The following MOXD1 variants were observed in gnomAD, a reference collection of about 807,000 sequenced individuals.
MOXD1 encodes the protein monooxygenase DBH like 1.
In MOXD1, 62 loss-of-function variants were observed where a neutral mutation model predicts 66.6. The observed-to-expected ratio is 0.93, with a 90% CI of 0.76 to 1.15. MOXD1 has a LOEUF of 1.15. MOXD1 is among the 50% of genes most tolerant of loss of function. MOXD1 has a pLI of 0.00. For missense variants in MOXD1, 847 were observed against 754.6 expected, an observed-to-expected ratio of 1.12 and a Z score of -1.44; for synonymous variants, 303 against 281.9, an observed-to-expected ratio of 1.07 and a Z score of -0.75.
chr6:132,396,724 A>G (rs776957994), intron 1 of MOXD1, among the ~76,000 whole-genome samples: 5 of 152,242 alleles, frequency 3.3e-5, no homozygotes, highest in Non-Finnish European at 5.9e-5. Flanking sequence ...GCAACAGATT[A>G]TCAGGGACTA....
At chr6:132,369,123 G>C (rs1349768317) in intron 4 of MOXD1, among the ~76,000 whole-genome samples, 1 of 151,994 alleles carries the variant, frequency 6.6e-6, no homozygotes, top group Non-Finnish European at 1.5e-5. Context: ...TTGTGACATA[G>C]TATTAGGCTA....
At position 132,297,216 on chromosome 6, in the gene MOXD1, G is replaced by T; in HGVS notation, c.1779C>A (p.Phe593Leu). ...GAAGGCAAACAAGCAAGTTGATGGA[G>T]AAATCTCTGTGCAGGGAAGAGGAAG... ...TSSSSSLHRD[F>L]SINLLVCLLL... is the part of the protein sequence containing the mutation. Residue 593 changes from phenylalanine to leucine, a missense_variant, in exon 12 of 12, where the codon TTC becomes TTA. Phe to Leu is a conservative substitution (Grantham distance 22). Transcript: ENST00000367963. The T allele has an allele frequency of 6.2e-7, 1 of 1,613,666 alleles. No individual in the cohort carries two copies. The highest frequency in any genetic ancestry group is 8.5e-7 in the Non-Finnish European group (1 of 1,179,716).
At position 132,311,259 on chromosome 6, in the gene MOXD1, T is replaced by A. The variant is rs777235031; in HGVS notation, c.1508+4376A>T. Reference sequence around the variant, plus strand: ...CTGATTAAACAACTTGAAGATAAAATCCTAATGACTCAAATTTAAAAACTC... The same window carrying A: ...CTGATTAAACAACTTGAAGATAAAAACCTAATGACTCAAATTTAAAAACTC... On this transcript the variant is annotated intron_variant, in intron 10 of 11. Transcript: ENST00000367963. Among the ~76,000 whole-genome samples, 13 of 152,106 alleles carry A rather than the reference T, an allele frequency of 8.5e-5. No homozygotes were observed. The South Asian group carries it at 2.5e-3, about 29-fold the overall frequency.
chr6:132,297,241 G>T lies in MOXD1; in HGVS notation c.1754C>A (p.Ser585Tyr), dbSNP rs1377254512. 3.1e-6 allele frequency: 5 copies of T among 1,613,730 alleles called. No individual in the cohort carries two copies. Among genetic ancestry groups the T allele is most frequent in the Non-Finnish European group, 4.2e-6 (5 of 1,179,716 alleles). The change falls in exon 12 of 12, where the codon TCT (serine) becomes TAT (tyrosine). Residue 585 changes from serine to tyrosine, a missense_variant. By Grantham distance (144) the Ser-to-Tyr change is moderately radical. Coordinates refer to ENST00000367963, the MANE Select transcript of MOXD1 (RefSeq NM_015529.4). ...KAEPLVCGTS[S>Y]SSSLHRDFSI... ...GAAATCTCTGTGCAGGGAAGAGGAA[G>T]AAGACGTGCCACACACCAAAGGTTC...
At chr6:132,347,829 G>T (rs1050552535) in intron 4 of MOXD1, among the ~76,000 whole-genome samples, 7 of 152,144 alleles carry the variant, frequency 4.6e-5, no homozygotes, top group African/African-American at 1.7e-4. Flanking sequence ...TATAAGTCAT[G>T]AAAGTTAAAC....
chr6:132,368,470 C>T (rs189758889), intron 4 of MOXD1, among the ~76,000 whole-genome samples: 1 of 152,076 alleles, frequency 6.6e-6, no homozygotes, highest in East Asian at 1.9e-4. Context: ...CATTTTCAAG[C>T]CACAATTTTC....
chr6:132,372,607 C>G lies in MOXD1; in HGVS notation c.663+1G>C. 1 of 1,608,920 alleles carries G rather than the reference C, an allele frequency of 6.2e-7. No homozygotes were observed. The highest frequency in any genetic ancestry group is 8.5e-7 in the Non-Finnish European group (1 of 1,175,350). ...TTTTAGCCTATGAATGAGTCACATA[C>G]CTTTATTACATGATGCTTTTCTTGG... On this transcript the variant is annotated splice_donor_variant, in intron 4 of 11. Coordinates refer to ENST00000367963, the MANE Select transcript of MOXD1 (RefSeq NM_015529.4). LOFTEE classifies it high-confidence loss of function.
At chr6:132,356,622 C>A (rs1047876526) in intron 4 of MOXD1, among the ~76,000 whole-genome samples, 1 of 152,054 alleles carries the variant, frequency 6.6e-6, no homozygotes, top group African/African-American at 2.4e-5. Context: ...CTTGAATGTG[C>A]ATCAAAAGTG....
Position 132,315,662 on chromosome 6 carries a change from C to T in MOXD1, c.1481G>A (p.Gly494Glu), listed in dbSNP as rs1438423909. Reference protein sequence around the residue: ...PDIMEQLQFIGVKEIYRPVTT... With the variant: ...PDIMEQLQFIEVKEIYRPVTT... ...GACTGGTCTGTAGATCTCCTTAACC[C>T]CAATGAACTGAAGTTGTTCCATAAT... The change falls in exon 10 of 12, where the codon GGG becomes GAG. Residue 494 changes from glycine (G) to glutamate (E), a missense_variant. Coordinates refer to ENST00000367963, the MANE Select transcript of MOXD1 (RefSeq NM_015529.4). 4 of 1,613,188 alleles carry T rather than the reference C, an allele frequency of 2.5e-6. No individual in the cohort carries two copies. Among genetic ancestry groups the T allele is most frequent in the Non-Finnish European group, 2.5e-6 (3 of 1,179,530 alleles).
chr6:132,315,288 G>A (rs533852909), intron 10 of MOXD1, among the ~76,000 whole-genome samples: 20 of 152,330 alleles, frequency 1.3e-4, no homozygotes, highest in African/African-American at 4.3e-4. Context: ...TCCACTGGAA[G>A]AGGGCTCTTG....
Position 132,296,973 on chromosome 6 carries a change from A to T in MOXD1, c.*180T>A. 3.7e-6 allele frequency: 2 copies of T among 535,622 alleles called. No homozygotes were observed. The highest frequency in any genetic ancestry group is 6.5e-6 in the Non-Finnish European group (2 of 308,550). The allele number at this position is 535,622 out of a possible 1,614,324, so 33.2% of individuals were successfully genotyped here. The stretch of plus-strand genomic sequence containing the variant: ...ATATATAACATCAGATATTTCTAAG[A>T]AAGAGAAGAGAACCTGATTGATGTC... On this transcript the variant is annotated 3_prime_UTR_variant, in exon 12 of 12. Coordinates refer to ENST00000367963, the MANE Select transcript of MOXD1 (RefSeq NM_015529.4).
At chr6:132,305,253 C>T (rs886757320) in intron 10 of MOXD1, among the ~76,000 whole-genome samples, 5 of 152,252 alleles carry the variant, frequency 3.3e-5, no homozygotes, top group African/African-American at 1.2e-4. Flanking sequence ...GGCAGTCTTC[C>T]ACCAGAATGC....
chr6:132,340,522 A>G (rs986877146), intron 4 of MOXD1, among the ~76,000 whole-genome samples: 26 of 150,558 alleles, frequency 1.7e-4, no homozygotes, highest in African/African-American at 6.1e-4. Context: ...AAATATACAT[A>G]TAAAACAAAG....
intron 1 of MOXD1, among the ~76,000 whole-genome samples, chr6:132,400,579 G>A (rs1776999762): frequency 6.6e-6 from 1 of 151,982 alleles, no homozygotes; most frequent in Non-Finnish European, 1.5e-5. Flanking sequence ...CTTCGATTTT[G>A]GTCTCTAAAT....
Position 132,401,261 on chromosome 6 carries a change from T to G in MOXD1, c.166A>C (p.Thr56Pro), listed in dbSNP as rs1462021228. The G allele has an allele frequency of 1.9e-6, 3 of 1,596,516 alleles. No homozygotes were observed. The highest frequency in any genetic ancestry group is 3.4e-5 in the Admixed American group (2 of 59,510). Residue 56 changes from threonine (T) to proline (P), a missense_variant, in exon 1 of 12, where the codon ACT (threonine) becomes CCT (proline). Physicochemically the swap from Thr to Pro is conservative, Grantham distance 38. Coordinates refer to ENST00000367963, the MANE Select transcript of MOXD1 (RefSeq NM_015529.4). ...SQIAFRLQVR[T>P]AGYVGFGFSP... ...AAGCCGAAGCCCACGTAGCCTGCAG[T>G]GCGCACCTGGAGGCGGAAGGCGATC...
At chr6:132,302,042 C>G (rs1353394202) in intron 10 of MOXD1, among the ~76,000 whole-genome samples, 1 of 152,094 alleles carries the variant, frequency 6.6e-6, no homozygotes, top group African/African-American at 2.4e-5. Flanking sequence ...TCAAGGTAGA[C>G]TACTGCAGAG....
chr6:132,306,263 A>G (rs1474476523), intron 10 of MOXD1, among the ~76,000 whole-genome samples: 2 of 152,074 alleles, frequency 1.3e-5, no homozygotes, highest in African/African-American at 4.8e-5. Flanking sequence ...AAAAGATATC[A>G]GAGTTTGAAG....
At chr6:132,343,341 G>C (rs1775602170) in intron 4 of MOXD1, among the ~76,000 whole-genome samples, 1 of 152,212 alleles carries the variant, frequency 6.6e-6, no homozygotes, top group African/African-American at 2.4e-5. Context: ...TTGGGAGACT[G>C]AGGTGGGCGG....
At chr6:132,331,115 C>G (rs1423745117) in intron 4 of MOXD1, among the ~76,000 whole-genome samples, 1 of 152,156 alleles carries the variant, frequency 6.6e-6, no homozygotes, top group Non-Finnish European at 1.5e-5. Context: ...AAGTAAAACC[C>G]AGAATTTCTA....
Sources: allele counts gnomAD v4.1 joint callset (sites outside exome capture counted in the v4.1 genomes callset), GRCh38; gene constraint gnomAD v4.1.1; transcripts MANE v1.5; gene names NCBI Gene and HGNC (gene_info 2026-07-23, HGNC 2026-07-21).